AGBL4: variants seen among roughly 807,000 people sequenced by gnomAD.
AGBL4 encodes cytosolic carboxypeptidase 6.
A neutral mutation model predicts 66.4 loss-of-function variants in AGBL4; 58 were observed. That is an observed-to-expected ratio of 0.87 (90% CI 0.71 to 1.09). AGBL4 has a LOEUF of 1.09. Ranked by LOEUF, AGBL4 falls within the 50% of genes least tolerant of loss-of-function variation. The pLI is 0.00. For synonymous variants in AGBL4, 234 were observed against 222.9 expected (o/e 1.05, Z -0.44); for missense variants, 579 against 631.0 (o/e 0.92, Z 0.88).
intron 3 of AGBL4, among the ~76,000 whole-genome samples, chr1:49,533,960 G>A (rs956659415): frequency 1.3e-5 from 2 of 152,046 alleles, no homozygotes; most frequent in African/African-American, 4.8e-5. Flanking sequence ...CACAGAATCT[G>A]CAGATTTGGG....
intron 1 of AGBL4, among the ~76,000 whole-genome samples, chr1:49,921,102 A>G (rs1020065840): frequency 5.9e-5 from 9 of 152,152 alleles, no homozygotes; most frequent in African/African-American, 1.7e-4. Context: ...GGGTGGGAGT[A>G]TGGGGGAGGG....
chr1:48,608,575 A>T (rs1450555464), intron 9 of AGBL4, among the ~76,000 whole-genome samples: 1 of 152,102 alleles, frequency 6.6e-6, no homozygotes, highest in Admixed American at 6.6e-5. Flanking sequence ...GGATGGATAG[A>T]TGGATGGATG....
At chr1:48,817,001 A>G (rs1646195898) in intron 6 of AGBL4, among the ~76,000 whole-genome samples, 1 of 152,206 alleles carries the variant, frequency 6.6e-6, no homozygotes, top group South Asian at 2.1e-4. Flanking sequence ...TTTGAGGCTG[A>G]GGGACCAACA....
At chr1:48,905,849 G>A (rs1652535055) in intron 5 of AGBL4, among the ~76,000 whole-genome samples, 1 of 152,190 alleles carries the variant, frequency 6.6e-6, no homozygotes, top group Non-Finnish European at 1.5e-5. Flanking sequence ...TTCACTGACT[G>A]ACAATGCCTA....
chr1:49,434,415 T>C (rs1239401256), intron 3 of AGBL4, among the ~76,000 whole-genome samples: 1 of 152,148 alleles, frequency 6.6e-6, no homozygotes, highest in African/African-American at 2.4e-5. Context: ...TATTATACTT[T>C]TGTTCTGGGA....
intron 3 of AGBL4, among the ~76,000 whole-genome samples, chr1:49,253,055 C>T: frequency 6.6e-6 from 1 of 152,086 alleles, no homozygotes; most frequent in East Asian, 1.9e-4. Flanking sequence ...CCACACATAT[C>T]AATACTAACT....
At chr1:48,633,278 G>A (rs533251653) in intron 9 of AGBL4, among the ~76,000 whole-genome samples, 17 of 152,206 alleles carry the variant, frequency 1.1e-4, no homozygotes, top group African/African-American at 3.1e-4. Context: ...GTTTTTAAGC[G>A]CACTTTTCTA....
intron 4 of AGBL4, among the ~76,000 whole-genome samples, chr1:49,087,828 C>A (rs1028016533): frequency 6.6e-6 from 1 of 152,130 alleles, no homozygotes; most frequent in African/African-American, 2.4e-5. Flanking sequence ...ATGTTAAAGG[C>A]AGCTAGAGAG....
chr1:49,700,929 A>C (rs932732261), intron 2 of AGBL4, among the ~76,000 whole-genome samples: 1 of 152,162 alleles, frequency 6.6e-6, no homozygotes, highest in Non-Finnish European at 1.5e-5. Flanking sequence ...AGAACAGAAA[A>C]TGTTAAAAAA....
At chr1:48,702,283 T>G (rs567938372) in intron 6 of AGBL4, among the ~76,000 whole-genome samples, 9 of 152,078 alleles carry the variant, frequency 5.9e-5, no homozygotes, top group Admixed American at 1.3e-4. Flanking sequence ...TCTTTGTTTT[T>G]TTTTGTTTTG....
intron 2 of AGBL4, among the ~76,000 whole-genome samples, chr1:49,700,413 T>C (rs1647069610): frequency 6.6e-6 from 1 of 151,750 alleles, no homozygotes; most frequent in African/African-American, 2.4e-5. Context: ...AGAATCAAAA[T>C]GAGAAATTTA....
intron 2 of AGBL4, 67 bp from the exon 3 acceptor site, chr1:49,697,504 T>A: frequency 8.0e-7 from 1 of 1,253,450 alleles, no homozygotes; most frequent in Non-Finnish European, 1.1e-6. Context: ...TACACACATT[T>A]AAATATTATG....
rs150084845 is a variant in AGBL4 at position 48,544,829 on chromosome 1, A to G, written c.1268-5091T>C. Among the ~76,000 whole-genome samples, 225 of 152,308 alleles carry G rather than the reference A, an allele frequency of 1.5e-3. 1 individual carries two copies. The highest frequency in any genetic ancestry group is 4.9e-3 in the African/African-American group (203 of 41,568). On this transcript the variant is annotated intron_variant, in intron 11 of 13. Coordinates refer to ENST00000371839, the MANE Select transcript of AGBL4 (RefSeq NM_032785.4). The stretch of plus-strand genomic sequence containing the variant: ...TCTCCAGCCATTGTCTGACTGCAAC[A>G]CACCACTCTTCAAGCTAGAACCACT...
At chr1:49,366,665 C>T (rs188076510) in intron 3 of AGBL4, among the ~76,000 whole-genome samples, 39 of 152,286 alleles carry the variant, frequency 2.6e-4, no homozygotes, top group Non-Finnish European at 3.2e-4. Context: ...TGAGAGCAGA[C>T]ATTTCGGAGT....
rs1011164826 is a variant in AGBL4, at chr1:48,985,979, C to T, written c.594+59605G>A. On this transcript the variant is annotated intron_variant, in intron 5 of 13. Transcript: ENST00000371839. ...AGAGACATGAAAGATATAAATCAAG[C>T]GTCTGTAGATAAAATTATAATATCT... 4.3e-4 allele frequency among the ~76,000 whole-genome samples: 66 copies of T among 152,092 alleles called. 1 individual carries two copies. The highest frequency in any genetic ancestry group is 6.2e-4 in the South Asian group (3 of 4,808).
chr1:49,128,636 G>A (rs370219578), intron 4 of AGBL4, among the ~76,000 whole-genome samples: 11 of 151,986 alleles, frequency 7.2e-5, no homozygotes, highest in Non-Finnish European at 1.0e-4. Context: ...TCCTTCAACC[G>A]ATGATGCTAG....
chr1:49,609,459 T>C (rs1307701294), intron 3 of AGBL4, among the ~76,000 whole-genome samples: 7 of 152,126 alleles, frequency 4.6e-5, no homozygotes, highest in South Asian at 4.1e-4. Flanking sequence ...ATTCAGTAAA[T>C]GTGAATCAAA....
intron 3 of AGBL4, among the ~76,000 whole-genome samples, chr1:49,692,052 C>A (rs1646898310): frequency 6.6e-6 from 1 of 152,090 alleles, no homozygotes; most frequent in South Asian, 2.1e-4. Flanking sequence ...GAAAGACCTG[C>A]CCCCATGATT....
intron 9 of AGBL4, among the ~76,000 whole-genome samples, chr1:48,601,954 AGAG>A (rs1054978376): frequency 1.3e-5 from 2 of 152,220 alleles, no homozygotes; most frequent in Non-Finnish European, 2.9e-5. Flanking sequence ...TCAACTAAGA[AGAG>A]GACTGAGATA....
Sources: gnomAD v4.1 joint callset for allele counts (sites outside exome capture counted in the v4.1 genomes callset) on GRCh38, gnomAD v4.1.1 for gene constraint, MANE v1.5 for transcripts, NCBI Gene and HGNC (gene_info 2026-07-23, HGNC 2026-07-21) for gene names.